PCNX1: variants seen among roughly 807,000 people sequenced by gnomAD.
PCNX1 encodes the protein pecanex 1, also known as pecanex-like protein 1.
In PCNX1, 78 loss-of-function variants were observed where a neutral mutation model predicts 242.2. That is an observed-to-expected ratio of 0.32 (90% CI 0.27 to 0.39). The LOEUF is 0.39. PCNX1 is among the 10% of genes least tolerant of loss of function. The pLI is 1.00. For synonymous variants in PCNX1, 1,024 were observed against 1,032.9 expected, an observed-to-expected ratio of 0.99 and a Z score of 0.17; for missense variants, 2,581 against 2,856.5, an observed-to-expected ratio of 0.90 and a Z score of 2.20.
intron 28 of PCNX1, among the ~76,000 whole-genome samples, chr14:71,085,115 T>G (rs2061952073): frequency 6.6e-6 from 1 of 152,352 alleles, no homozygotes; most frequent in Non-Finnish European, 1.5e-5. Context: ...CGACCTCTTG[T>G]GCTTCCCAAG....
intron 1 of PCNX1, among the ~76,000 whole-genome samples, chr14:70,924,880 A>G (rs1319211989): frequency 6.6e-6 from 1 of 152,116 alleles, no homozygotes; most frequent in East Asian, 1.9e-4. Flanking sequence ...GGCATGAGCC[A>G]CTGCACCTGG....
Position 70,918,884 on chromosome 14 carries a change from G to GTT in PCNX1, c.153+10896_153+10897dup, listed in dbSNP as rs33959914. 6.4e-5 allele frequency among the ~76,000 whole-genome samples: 9 copies of GTT among 140,524 alleles called. No individual in the cohort carries two copies. In the East Asian group the frequency reaches 1.6e-3, roughly 25 times the overall value. The allele number at this position is 140,524 out of a possible 152,430, so 92.2% of individuals were successfully genotyped here. Reference sequence around the variant, plus strand: ...GTGTTCGTTTGTTGGTGGTTTTTTGGTTTTTTTTTTTTTTTTAGACAAAGT... The same window carrying GTT: ...GTGTTCGTTTGTTGGTGGTTTTTTGGTTTTTTTTTTTTTTTTTTAGACAAAGT... On this transcript the variant is annotated intron_variant, in intron 1 of 35. Coordinates refer to ENST00000304743, the MANE Select transcript of PCNX1 (RefSeq NM_014982.3).
chr14:71,112,220 T>G lies in PCNX1; in HGVS notation c.*2285T>G, dbSNP rs901667532. 3 of 152,222 alleles carry G rather than the reference T, an allele frequency of 2.0e-5. No homozygotes were observed. Among genetic ancestry groups the G allele is most frequent in the Non-Finnish European group, 4.4e-5 (3 of 67,926 alleles). 9.4% of individuals were successfully genotyped at this position (152,222 alleles called of 1,614,324 possible). A position where few individuals can be genotyped will look rare whatever the true frequency, so the allele number is the denominator to read the frequency against. On this transcript the variant is annotated 3_prime_UTR_variant, in exon 36 of 36. Coordinates refer to ENST00000304743, the MANE Select transcript of PCNX1 (RefSeq NM_014982.3). ...TTTAATCTGAAGGGCTAGAATTTTT[T>G]AATTTCTAGCCCCTCCTCCAAAAAA...
intron 19 of PCNX1, among the ~76,000 whole-genome samples, chr14:71,044,861 G>A (rs1480677509): frequency 6.6e-6 from 1 of 152,118 alleles, no homozygotes; most frequent in East Asian, 1.9e-4. Flanking sequence ...TACACCTTAG[G>A]CCACTCTCTC....
chr14:70,954,242 C>CTCTGT lies in PCNX1; in HGVS notation c.362+7141_362+7145dup, dbSNP rs138159098. 9.3e-3 allele frequency among the ~76,000 whole-genome samples: 1,409 copies of CTCTGT among 152,194 alleles called. 8 individuals are homozygous for CTCTGT. The highest frequency in any genetic ancestry group is 0.018 in the South Asian group (88 of 4,826). ...ATTTCTGGTGGCTTGTTTCTGGGCTCTCTGTTCTGTTCTGTTCTGTTCTGT... is the reference window on the plus strand; with the variant it reads ...ATTTCTGGTGGCTTGTTTCTGGGCTCTCTGTTCTGTTCTGTTCTGTTCTGTTCTGT... On this transcript the variant is annotated intron_variant, in intron 2 of 35. Coordinates refer to ENST00000304743, the MANE Select transcript of PCNX1 (RefSeq NM_014982.3).
In PCNX1 at chr14:71,111,161, A is replaced by G. The variant is rs533542441; in HGVS notation, c.*1226A>G. ...TATTTATAACTGTGAAATTGACTTA[A>G]TTCATATGTTGTCTCATAACTTTAT... On this transcript the variant is annotated 3_prime_UTR_variant, in exon 36 of 36. Transcript: ENST00000304743. 11 of 152,696 alleles carry G rather than the reference A, an allele frequency of 7.2e-5. No homozygotes were observed. In the East Asian group the frequency reaches 1.2e-3, roughly 16 times the overall value. 9.5% of individuals were successfully genotyped at this position (152,696 alleles called of 1,614,324 possible). A position where few individuals can be genotyped will look rare whatever the true frequency, so the allele number is the denominator to read the frequency against.
chr14:71,003,343 G>A (rs368753137), intron 8 of PCNX1, among the ~76,000 whole-genome samples: 4 of 151,922 alleles, frequency 2.6e-5, no homozygotes, highest in South Asian at 2.1e-4. Flanking sequence ...TGCCCGCCTC[G>A]GCCCCCCAAA....
chr14:71,098,602 T>C (rs1228379537), intron 30 of PCNX1, among the ~76,000 whole-genome samples: 1 of 151,410 alleles, frequency 6.6e-6, no homozygotes, highest in East Asian at 2.0e-4. Flanking sequence ...ATTGATTTGG[T>C]TTTCGGCTTG....
intron 30 of PCNX1, among the ~76,000 whole-genome samples, chr14:71,099,305 C>A (rs2062397720): frequency 6.6e-6 from 1 of 151,974 alleles, no homozygotes; most frequent in Non-Finnish European, 1.5e-5. Context: ...ACTGCAGGCG[C>A]CCGCCACCAC....
At chr14:70,929,260 C>T (rs763842963) in intron 1 of PCNX1, among the ~76,000 whole-genome samples, 5 of 151,766 alleles carry the variant, frequency 3.3e-5, no homozygotes, top group East Asian at 1.9e-4. Flanking sequence ...CCCCTCTTAC[C>T]GTCTTGCTCT....
At chr14:71,001,364 T>C (rs550257334) in intron 8 of PCNX1, among the ~76,000 whole-genome samples, 1 of 152,222 alleles carries the variant, frequency 6.6e-6, no homozygotes, top group Non-Finnish European at 1.5e-5. Context: ...TATGGAAAGC[T>C]CTAGTTTATA....
chr14:71,031,814 C>T (rs2060393517), intron 16 of PCNX1: 17 of 1,486,122 alleles, frequency 1.1e-5, no homozygotes, highest in South Asian at 3.4e-5. Context: ...AGCTTGGCAG[C>T]GAGGAGAGGG....
At chr14:70,965,420 T>C (rs2058346882) in intron 3 of PCNX1, 1 of 152,294 alleles carries the variant, frequency 6.6e-6, no homozygotes, top group African/African-American at 2.4e-5. Flanking sequence ...TTCCAGCACT[T>C]TGGGAGGCCG....
At chr14:70,946,821 G>T in intron 1 of PCNX1, 94 bp from the exon 2 acceptor site, 1 of 927,220 alleles carries the variant, frequency 1.1e-6, no homozygotes. Context: ...TGCTTTGTGT[G>T]TAAATGTGTT....
chr14:70,940,861 C>T (rs2057211345), intron 1 of PCNX1, among the ~76,000 whole-genome samples: 1 of 152,160 alleles, frequency 6.6e-6, no homozygotes, highest in Admixed American at 6.5e-5. Flanking sequence ...TCTCTTCTCA[C>T]TTCATTTCAT....
chr14:71,096,669 T>A (rs2062291546), intron 30 of PCNX1, among the ~76,000 whole-genome samples: 1 of 152,070 alleles, frequency 6.6e-6, no homozygotes, highest in South Asian at 2.1e-4. Flanking sequence ...AAAAGAAAAA[T>A]TAGGAGAGTT....
At chr14:71,051,242 T>C (rs1566749732) in intron 23 of PCNX1, among the ~76,000 whole-genome samples, 1 of 151,404 alleles carries the variant, frequency 6.6e-6, no homozygotes, top group Non-Finnish European at 1.5e-5. Context: ...ATTGTTTAAC[T>C]TGTATTAACA....
intron 20 of PCNX1, among the ~76,000 whole-genome samples, chr14:71,045,603 CTAAT>C (rs1202208856): frequency 1.3e-5 from 2 of 152,232 alleles, no homozygotes; most frequent in African/African-American, 4.8e-5. Flanking sequence ...ACTCTTCCCC[CTAAT>C]TAGTTTTCAA....
At chr14:71,062,729 G>A (rs1335336641) in intron 26 of PCNX1, among the ~76,000 whole-genome samples, 1 of 152,164 alleles carries the variant, frequency 6.6e-6, no homozygotes. Flanking sequence ...AAAGTCTACA[G>A]TAGTGTACAG....
Sources: allele counts gnomAD v4.1 joint callset (sites outside exome capture counted in the v4.1 genomes callset), GRCh38; gene constraint gnomAD v4.1.1; transcripts MANE v1.5; gene names NCBI Gene and HGNC (gene_info 2026-07-23, HGNC 2026-07-21).